Variants in UNC5B observed in about 807,000 individuals in gnomAD.
UNC5B encodes the protein unc-5 netrin receptor B.
A neutral mutation model predicts 103.7 loss-of-function variants in UNC5B; 56 were observed. The observed-to-expected ratio is 0.54, with a 90% CI of 0.44 to 0.67. The LOEUF (loss-of-function observed/expected upper bound fraction) is 0.67, where lower values mean the gene tolerates loss of function less well. Among genes scored for constraint, UNC5B ranks in the 30% least tolerant of loss-of-function variants. UNC5B has a pLI of 0.00. For synonymous variants in UNC5B, 577 were observed against 542.0 expected (o/e 1.06, Z -0.90); for missense variants, 1,194 against 1,284.5 (o/e 0.93, Z 1.08).
intron 1 of UNC5B, among the ~76,000 whole-genome samples, chr10:71,221,989 GTCATCATCATCA>G (rs149864220): frequency 1.3e-5 from 2 of 151,378 alleles, no homozygotes; most frequent in African/African-American, 4.9e-5. Flanking sequence ...ATTCACTACT[GTCATCATCATCA>G]TCATCATCAT....
chr10:71,258,452 G>A, intron 1 of UNC5B, among the ~76,000 whole-genome samples: 1 of 152,158 alleles, frequency 6.6e-6, no homozygotes, highest in East Asian at 1.9e-4. Context: ...AGGGTCCCAA[G>A]ACCACCCATT....
chr10:71,239,581 G>A (rs1843849525), intron 1 of UNC5B, among the ~76,000 whole-genome samples: 2 of 152,168 alleles, frequency 1.3e-5, no homozygotes, highest in African/African-American at 2.4e-5. Context: ...GCCAGGCCCT[G>A]CCCAGCGCTG....
intron 1 of UNC5B, among the ~76,000 whole-genome samples, chr10:71,256,657 G>A (rs1049193391): frequency 9.9e-5 from 15 of 152,244 alleles, no homozygotes; most frequent in African/African-American, 2.7e-4. Context: ...GGCTTCTCCA[G>A]GGCCCCCAGA....
chr10:71,260,917 C>T (rs1289421705), intron 1 of UNC5B, among the ~76,000 whole-genome samples: 1 of 152,210 alleles, frequency 6.6e-6, no homozygotes, highest in Non-Finnish European at 1.5e-5. Context: ...GCTGCTGTTG[C>T]GCTGGGACAC....
chr10:71,220,306 C>T (rs1843428555), intron 1 of UNC5B, among the ~76,000 whole-genome samples: 2 of 152,162 alleles, frequency 1.3e-5, no homozygotes, highest in South Asian at 4.2e-4. Flanking sequence ...GGAGGTATCT[C>T]CCTACTTTCT....
intron 15 of UNC5B, 95 bp downstream of exon 15, chr10:71,296,837 G>C: frequency 1.6e-6 from 1 of 624,640 alleles, no homozygotes; most frequent in East Asian, 3.0e-5. Context: ...CACCACGCTG[G>C]CGGAGGTGAG....
Position 71,298,058 on chromosome 10 carries a change from G to C in UNC5B, c.2640G>C (p.Trp880Cys). ...LDAPNSRGND[W>C]RMLAQKLSMD... ...CCCCCAACTCACGGGGCAATGACTG[G>C]CGGATGTTAGCACAGAAGCTCTCTA... Residue 880 changes from tryptophan to cysteine, a missense_variant, in exon 16 of 17, where the codon TGG (tryptophan) becomes TGC (cysteine). Physicochemically the swap from Trp to Cys is radical, Grantham distance 215 (BLOSUM62 -2). Transcript: ENST00000335350. 6.2e-7 allele frequency: 1 copy of C among 1,612,878 alleles called. No homozygotes were observed. The highest frequency in any genetic ancestry group is 8.5e-7 in the Non-Finnish European group (1 of 1,179,640).
intron 1 of UNC5B, among the ~76,000 whole-genome samples, chr10:71,221,584 A>G (rs1315481381): frequency 1.3e-5 from 2 of 152,198 alleles, no homozygotes; most frequent in Admixed American, 6.5e-5. Flanking sequence ...CTTAAAAACC[A>G]TGGGCCTGAC....
Position 71,216,816 on chromosome 10 carries a change from TG to T in UNC5B, c.79+3758del, listed in dbSNP as rs146334813. Among the ~76,000 whole-genome samples the T allele has an allele frequency of 1.7e-3, 265 of 152,258 alleles. 2 individuals are homozygous for T. The highest frequency in any genetic ancestry group is 6.1e-3 in the African/African-American group (252 of 41,556). On this transcript the variant is annotated intron_variant, in intron 1 of 16. Coordinates refer to ENST00000335350, the MANE Select transcript of UNC5B (RefSeq NM_170744.5). Reference sequence around the variant, plus strand: ...GCTGCCTAAGACTTTGGGGATGGGCTGGGGGGAGATGGATCATTTCCATTCC... The same window carrying T: ...GCTGCCTAAGACTTTGGGGATGGGCTGGGGGAGATGGATCATTTCCATTCC...
rs112786705 is a variant in UNC5B at position 71,247,247 on chromosome 10, G to A, written c.80-32574G>A. 7.4e-3 allele frequency among the ~76,000 whole-genome samples: 1,130 copies of A among 152,336 alleles called. 16 individuals carry two copies. The highest frequency in any genetic ancestry group is 0.014 in the Middle Eastern group (4 of 294). ...TGCCCTGAAGGTGCCTATGGAGTCA[G>A]AACAGAGAGGTCACTCAGAGGTGAC... On this transcript the variant is annotated intron_variant, in intron 1 of 16. Coordinates refer to ENST00000335350, the MANE Select transcript of UNC5B (RefSeq NM_170744.5).
Position 71,212,994 on chromosome 10 carries a change from C to T in UNC5B, c.9C>T (p.Ala3=). The T allele has an allele frequency of 7.1e-7, 1 of 1,399,626 alleles. No homozygotes were observed. The highest frequency in any genetic ancestry group is 9.3e-7 in the Non-Finnish European group (1 of 1,071,782). The allele number at this position is 1,399,626 out of a possible 1,614,324, so 86.7% of individuals were successfully genotyped here. The part of the protein sequence containing the change: MG[A]RSGARGALLL... ...AACCAGGCCGCGGGAGCATGGGGGC[C>T]CGGAGCGGAGCTCGGGGCGCGCTGC... is the stretch of plus-strand genomic sequence containing the variant. Residue 3 remains alanine, a synonymous_variant, in exon 1 of 17, where the codon GCC becomes GCT. Transcript: ENST00000335350.
chr10:71,296,090 T>G, intron 14 of UNC5B, 130 bp downstream of exon 14: 3 of 1,347,668 alleles, frequency 2.2e-6, no homozygotes, highest in Non-Finnish European at 3.0e-6. Flanking sequence ...TCACTGTCTC[T>G]GTCTCCTCCC....
chr10:71,252,496 T>C (rs1386995966), intron 1 of UNC5B, among the ~76,000 whole-genome samples: 1 of 152,216 alleles, frequency 6.6e-6, no homozygotes, highest in Non-Finnish European at 1.5e-5. Context: ...TGGTATTGCA[T>C]TGTACAAAAG....
chr10:71,216,545 GC>G (rs756749038), intron 1 of UNC5B, among the ~76,000 whole-genome samples: 38 of 152,330 alleles, frequency 2.5e-4, no homozygotes, highest in Non-Finnish European at 4.1e-4. Flanking sequence ...CCCTTGGGCT[GC>G]ATGGCCAAAT....
chr10:71,296,488 C>CA, intron 14 of UNC5B, 90 bp from the exon 15 acceptor site: 3 of 1,477,764 alleles, frequency 2.0e-6, no homozygotes, highest in Non-Finnish European at 2.7e-6. Flanking sequence ...AACTGCCCCC[C>CA]AAAGCTCCCA....
intron 4 of UNC5B, 117 bp downstream of exon 4, chr10:71,285,546 C>A: frequency 1.1e-6 from 1 of 880,664 alleles, no homozygotes; most frequent in Non-Finnish European, 1.7e-6. Context: ...CTGCCCCTTT[C>A]GCAGATGAGA....
In UNC5B at chr10:71,285,427, G is replaced by A. The variant is rs147356143; in HGVS notation, c.550G>A (p.Glu184Lys). ...CRPPEGVPVAEVEWLKNEDVI... is the reference protein window; with the variant it reads ...CRPPEGVPVAKVEWLKNEDVI... ...CCCGCCGGAGGGGGTGCCTGTGGCC[G>A]AGGTGAGCGGGGACGTAGGGACCAC... is the stretch of plus-strand genomic sequence containing the variant. The change falls in exon 4 of 17, where the codon GAG becomes AAG. Residue 184 changes from glutamate (E) to lysine (K), a missense_variant and splice_region_variant. Coordinates refer to ENST00000335350, the MANE Select transcript of UNC5B (RefSeq NM_170744.5). 314 of 1,593,090 alleles carry A rather than the reference G, an allele frequency of 2.0e-4. 1 individual carries two copies. The highest frequency in any genetic ancestry group is 2.4e-4 in the Non-Finnish European group (281 of 1,171,880).
intron 5 of UNC5B, 29 bp from the exon 6 acceptor site, chr10:71,287,569 C>G (rs1276807775): frequency 1.9e-6 from 3 of 1,567,594 alleles, no homozygotes; most frequent in Admixed American, 3.8e-5. Flanking sequence ...CAGAGCCAAG[C>G]CATCCAGTTG....
chr10:71,293,325 G>A lies in UNC5B; in HGVS notation c.1773-80G>A, dbSNP rs561124518. ...CTGCCCTCCACCTCCCGGGCCCTGG[G>A]CAGACTTGGGAGCCCAGCAGGAGCC... On this transcript the variant is annotated intron_variant, in intron 11 of 16. Coordinates refer to ENST00000335350, the MANE Select transcript of UNC5B (RefSeq NM_170744.5). 1.1e-5 allele frequency: 16 copies of A among 1,494,506 alleles called. No homozygotes were observed. In the African/African-American group the frequency reaches 1.7e-4, roughly 16 times the overall value. The allele number at this position is 1,494,506 out of a possible 1,614,324, so 92.6% of individuals were successfully genotyped here.
Sources: gnomAD v4.1 joint callset for allele counts (sites outside exome capture counted in the v4.1 genomes callset) on GRCh38, gnomAD v4.1.1 for gene constraint, MANE v1.5 for transcripts, NCBI Gene and HGNC (gene_info 2026-07-23, HGNC 2026-07-21) for gene names.